Variants in ANO4 observed in about 807,000 individuals in gnomAD.
ANO4 encodes the protein anoctamin 4.
Under a neutral mutation model 141.9 loss-of-function variants are expected in ANO4, and 69 were observed. That is an observed-to-expected ratio of 0.49 (90% CI 0.40 to 0.59). The LOEUF is 0.59. Among genes scored for constraint, ANO4 ranks in the 20% least tolerant of loss-of-function variants. ANO4 has a pLI of 0.00. For synonymous variants in ANO4, 350 were observed against 394.3 expected, an observed-to-expected ratio of 0.89 and a Z score of 1.33; for missense variants, 894 against 1,162.2, an observed-to-expected ratio of 0.77 and a Z score of 3.36.
Position 101,111,670 on chromosome 12 carries a change from A to G in ANO4, c.2410A>G (p.Lys804Glu). The stretch of plus-strand genomic sequence containing the variant: ...TATCCCTCGCTTGGTGTATGCTTAT[A>G]AGTATGGACCTTGTGCAGGCCAAGG... ...DFIPRLVYAYKYGPCAGQGEA... is the reference protein window; with the variant it reads ...DFIPRLVYAYEYGPCAGQGEA... Residue 804 changes from lysine to glutamate, a missense_variant, in exon 24 of 28, where the codon AAG becomes GAG. By Grantham distance (56) the Lys-to-Glu change is moderately conservative. Around this residue, in one of 2 missense-constraint regions of ANO4, gnomAD observed 637 missense variants for 909.2 expected, o/e 0.70. Coordinates refer to ENST00000392977, the MANE Select transcript of ANO4 (RefSeq NM_001286615.2). 6.2e-7 allele frequency: 1 copy of G among 1,612,714 alleles called. No individual in the cohort carries two copies. Among genetic ancestry groups the G allele is most frequent in the Non-Finnish European group, 8.5e-7 (1 of 1,179,382 alleles).
At chr12:100,977,186 GTAA>G (rs2044237118) in intron 7 of ANO4, among the ~76,000 whole-genome samples, 3 of 152,100 alleles carry the variant, frequency 2.0e-5, no homozygotes, top group Admixed American at 1.3e-4. Context: ...ATAATTACAT[GTAA>G]TAATTATGTC....
chr12:100,936,965 C>T (rs998285682), intron 3 of ANO4, among the ~76,000 whole-genome samples: 3 of 152,160 alleles, frequency 2.0e-5, no homozygotes, highest in African/African-American at 7.2e-5. Context: ...CTTGGTTAAA[C>T]GATACTTTTA....
At chr12:100,749,325 A>G (rs2032259769) in intron 3 of ANO4, among the ~76,000 whole-genome samples, 1 of 152,162 alleles carries the variant, frequency 6.6e-6, no homozygotes. Context: ...CATGTATACT[A>G]CTTCTCTGTG....
intron 1 of ANO4, among the ~76,000 whole-genome samples, chr12:100,890,942 A>G (rs1033681969): frequency 1.3e-5 from 2 of 152,002 alleles, no homozygotes; most frequent in Non-Finnish European, 2.9e-5. Flanking sequence ...TGCTCTGCCT[A>G]TTTCTCCCTC....
chr12:100,764,820 G>C (rs1272548551), intron 3 of ANO4, among the ~76,000 whole-genome samples: 1 of 152,176 alleles, frequency 6.6e-6, no homozygotes, highest in Non-Finnish European at 1.5e-5. Context: ...AGGCTGACTT[G>C]ATCATGGTGT....
chr12:100,865,136 G>T lies in ANO4; in HGVS notation c.-140-36510G>T, dbSNP rs539643688. ...TAGTAGAATGATTTATAATCCTTTA[G>T]GTACATACCCAGTAATGGGATTGCT... On this transcript the variant is annotated intron_variant, in intron 1 of 27. Transcript: ENST00000392977. Among the ~76,000 whole-genome samples the T allele has an allele frequency of 9.4e-4, 143 of 152,262 alleles. 1 individual carries two copies. The highest frequency in any genetic ancestry group is 3.3e-3 in the African/African-American group (137 of 41,568).
intron 12 of ANO4, among the ~76,000 whole-genome samples, chr12:101,043,197 T>C (rs1308770822): frequency 6.6e-6 from 1 of 152,244 alleles, no homozygotes; most frequent in Non-Finnish European, 1.5e-5. Flanking sequence ...AGTATCTTTA[T>C]ATATCTTCTT....
intron 22 of ANO4, among the ~76,000 whole-genome samples, chr12:101,109,598 T>C (rs2050584490): frequency 6.6e-6 from 1 of 152,224 alleles, no homozygotes. Context: ...AAAAAGATGT[T>C]TTCCAGGTTC....
chr12:101,043,643 CA>C lies in ANO4; in HGVS notation c.1251+11del. ...AGCTGTGTATATGCCAAGGTAATTT[CA>C]AACTGTAGCATTTTAGATGAATTGA... On this transcript the variant is annotated intron_variant, in intron 13 of 27. Coordinates refer to ENST00000392977, the MANE Select transcript of ANO4 (RefSeq NM_001286615.2). The C allele has an allele frequency of 1.9e-6, 3 of 1,584,862 alleles. No homozygotes were observed. The highest frequency in any genetic ancestry group is 2.6e-6 in the Non-Finnish European group (3 of 1,153,940).
In ANO4 at chr12:100,718,535, T is replaced by C. The variant is rs191247339; in HGVS notation, c.22+988T>C. On this transcript the variant is annotated intron_variant, in intron 1 of 29. Coordinates refer to the ANO4 transcript ENST00000644049. ...ATTCTTTGGTGTGGAATCTTCATTC[T>C]CTAGGCCAGTGATGTCCCCTGCTCA... Among the ~76,000 whole-genome samples the C allele has an allele frequency of 1.4e-3, 206 of 152,340 alleles. 1 individual carries two copies. Among genetic ancestry groups the C allele is most frequent in the African/African-American group, 4.8e-3 (200 of 41,582 alleles).
chr12:100,962,191 A>G (rs375230508), intron 5 of ANO4, among the ~76,000 whole-genome samples: 7 of 152,132 alleles, frequency 4.6e-5, no homozygotes, highest in African/African-American at 1.4e-4. Context: ...TCTGCCTGAT[A>G]ATAGTGTTTT....
At chr12:100,887,015 T>G (rs1382414562) in intron 1 of ANO4, among the ~76,000 whole-genome samples, 1 of 152,182 alleles carries the variant, frequency 6.6e-6, no homozygotes. Flanking sequence ...GGCTCAGTAG[T>G]TGTTGGGGAC....
chr12:101,045,489 A>T (rs2047580633), intron 13 of ANO4, among the ~76,000 whole-genome samples: 2 of 152,222 alleles, frequency 1.3e-5, no homozygotes, highest in Admixed American at 6.5e-5. Flanking sequence ...GGTTTCCTTT[A>T]GAAATATTTA....
rs192860756 is a variant in ANO4, at chr12:100,723,235, A to G, written c.22+5688A>G. On this transcript the variant is annotated intron_variant, in intron 1 of 29. Coordinates refer to the ANO4 transcript ENST00000644049. ...CGTTATGTTTTTTTGTAACAGTGTC[A>G]TAGTCTGCTCTGGGCTGCTATATAA... Among the ~76,000 whole-genome samples, 125 of 152,304 alleles carry G rather than the reference A, an allele frequency of 8.2e-4. 1 individual carries two copies. Among genetic ancestry groups the G allele is most frequent in the Admixed American group, 2.2e-3 (33 of 15,302 alleles).
At chr12:100,778,852 T>C (rs957060001) in intron 3 of ANO4, among the ~76,000 whole-genome samples, 1 of 152,180 alleles carries the variant, frequency 6.6e-6, no homozygotes, top group Non-Finnish European at 1.5e-5. Context: ...TAGCATCGTA[T>C]TAAAGTTATT....
intron 1 of ANO4, among the ~76,000 whole-genome samples, chr12:100,881,102 G>A (rs1207528164): frequency 6.6e-6 from 1 of 151,330 alleles, no homozygotes; most frequent in Non-Finnish European, 1.5e-5. Context: ...CATGGACACA[G>A]GAAGGGGAAC....
chr12:101,021,186 G>T (rs550137783), intron 9 of ANO4, among the ~76,000 whole-genome samples: 62 of 152,264 alleles, frequency 4.1e-4, no homozygotes, highest in Middle Eastern at 3.4e-3. Context: ...TGGAGTACTG[G>T]GGGAAGCTGC....
In ANO4 at chr12:100,780,479, C is replaced by T. The variant is rs2033680368; in HGVS notation, c.358+40374C>T. ...AAGGGACAGGTTCTTCATGAACTTT[C>T]TGGTCTGGGAAAGGATTAGGTAGCT... is the stretch of plus-strand genomic sequence containing the variant. On this transcript the variant is annotated intron_variant, in intron 3 of 29. Coordinates refer to the ANO4 transcript ENST00000644049. 1.3e-5 allele frequency among the ~76,000 whole-genome samples: 2 copies of T among 152,164 alleles called. 1 individual carries two copies. The highest frequency in any genetic ancestry group is 4.1e-4 in the South Asian group (2 of 4,832).
chr12:100,778,935 T>C (rs915435821), intron 3 of ANO4, among the ~76,000 whole-genome samples: 5 of 152,188 alleles, frequency 3.3e-5, no homozygotes, highest in African/African-American at 1.2e-4. Flanking sequence ...TTGTAGAATA[T>C]ATACCTTTGG....
Sources: allele counts gnomAD v4.1 joint callset (sites outside exome capture counted in the v4.1 genomes callset), GRCh38; gene constraint gnomAD v4.1.1; regional missense constraint gnomAD v4.1.1; transcripts MANE v1.5; gene names NCBI Gene and HGNC (gene_info 2026-07-23, HGNC 2026-07-21).